The following PSD3 variants were observed in gnomAD, a reference collection of about 807,000 sequenced individuals.
The protein encoded by PSD3 is PH and SEC7 domain-containing protein 3.
Under a neutral mutation model 105.5 loss-of-function variants are expected in PSD3, and 49 were observed. The ratio of observed to expected loss-of-function variants is 0.46; its 90% CI spans 0.37 to 0.59. The LOEUF is 0.59. Among genes scored for constraint, PSD3 ranks in the 20% least tolerant of loss-of-function variants. The pLI is 0.00. For synonymous variants in PSD3, 557 were observed against 457.8 expected (o/e 1.22, Z -2.77); for missense variants, 1,561 against 1,263.8 (o/e 1.24, Z -3.57).
intron 9 of PSD3, among the ~76,000 whole-genome samples, chr8:18,669,680 A>C (rs1353135090): frequency 6.6e-6 from 1 of 152,218 alleles, no homozygotes; most frequent in East Asian, 1.9e-4. Context: ...AAAACTTATG[A>C]AATGTTTGTC....
Position 18,654,223 on chromosome 8 carries a change from G to A in PSD3, c.2216+1419C>T, listed in dbSNP as rs189719258. Among the ~76,000 whole-genome samples the A allele has an allele frequency of 9.2e-5, 14 of 152,158 alleles. No homozygotes were observed. The East Asian group carries it at 1.7e-3, about 19-fold the overall frequency. On this transcript the variant is annotated intron_variant, in intron 10 of 15. Coordinates refer to ENST00000327040, the MANE Select transcript of PSD3 (RefSeq NM_015310.4). ...GACCATGACTCTACAGTGAGTAGAC[G>A]CAATTCAAGTGGTGCTGATACTTCA...
intron 11 of PSD3, among the ~76,000 whole-genome samples, chr8:18,615,637 T>G (rs2130676361): frequency 6.6e-6 from 1 of 152,366 alleles, no homozygotes; most frequent in Non-Finnish European, 1.5e-5. Context: ...TATGATTTTT[T>G]TCATAATATC....
chr8:19,084,219 G>C (rs1829735151), exon 1 of PSD3: 1 of 450,638 alleles, frequency 2.2e-6, no homozygotes, highest in Non-Finnish European at 4.5e-6. Flanking sequence ...GAGAGGCAGA[G>C]TGGCAGGCGG....
intron 9 of PSD3, among the ~76,000 whole-genome samples, chr8:18,698,957 T>C (rs1366722888): frequency 2.0e-5 from 3 of 152,228 alleles, no homozygotes; most frequent in East Asian, 3.8e-4. Flanking sequence ...TCTGTATTAA[T>C]ATTAATCATC....
chr8:18,817,726 G>T (rs1812330604), intron 4 of PSD3, among the ~76,000 whole-genome samples: 2 of 152,142 alleles, frequency 1.3e-5, no homozygotes, highest in African/African-American at 4.8e-5. Flanking sequence ...ACGGAATCTA[G>T]AGACTCTGAT....
intron 9 of PSD3, among the ~76,000 whole-genome samples, chr8:18,713,179 T>C (rs1802361406): frequency 2.0e-5 from 3 of 152,144 alleles, no homozygotes; most frequent in South Asian, 4.2e-4. Context: ...GCCAGTATCA[T>C]ACTGAATGGG....
chr8:18,960,839 A>C (rs1823866998), intron 1 of PSD3, among the ~76,000 whole-genome samples: 2 of 152,156 alleles, frequency 1.3e-5, no homozygotes, highest in Admixed American at 6.6e-5. Context: ...TAATCCCAGG[A>C]CTTTAAGAGG....
intron 1 of PSD3, among the ~76,000 whole-genome samples, chr8:18,999,777 ATCTT>A (rs537953844): frequency 5.3e-4 from 80 of 151,742 alleles, no homozygotes; most frequent in South Asian, 2.1e-4. Context: ...AATTACCATT[ATCTT>A]TCTAACTCCC....
intron 1 of PSD3, among the ~76,000 whole-genome samples, chr8:18,991,046 G>A (rs1275825656): frequency 2.0e-5 from 3 of 152,098 alleles, no homozygotes; most frequent in African/African-American, 4.8e-5. Context: ...CATAACTGGG[G>A]TAGAAGAAGC....
At chr8:18,628,992 G>C (rs1806697282) in intron 11 of PSD3, among the ~76,000 whole-genome samples, 2 of 151,838 alleles carry the variant, frequency 1.3e-5, no homozygotes, top group Non-Finnish European at 2.9e-5. Flanking sequence ...CTAATTAAAA[G>C]ACAGATACTG....
intron 1 of PSD3, among the ~76,000 whole-genome samples, chr8:18,970,468 C>A (rs6995586): frequency 0.014 from 2,178 of 151,802 alleles, 70 homozygotes; most frequent in African/African-American, 0.05. Flanking sequence ...GGAAAAACTT[C>A]AGCATTTCTA....
At chr8:18,861,885 G>A (rs1049863612) in intron 4 of PSD3, among the ~76,000 whole-genome samples, 1 of 151,880 alleles carries the variant, frequency 6.6e-6, no homozygotes, top group East Asian at 1.9e-4. Context: ...AGACCTCCCC[G>A]AGAACAAGCT....
At chr8:18,595,893 T>C (rs1288591948) in intron 12 of PSD3, among the ~76,000 whole-genome samples, 1 of 151,926 alleles carries the variant, frequency 6.6e-6, no homozygotes, top group Non-Finnish European at 1.5e-5. Context: ...AAAAATGCAA[T>C]ACACCAAATA....
At chr8:18,959,953 C>A (rs1377161009) in intron 1 of PSD3, among the ~76,000 whole-genome samples, 1 of 152,172 alleles carries the variant, frequency 6.6e-6, no homozygotes, top group Non-Finnish European at 1.5e-5. Context: ...AATGTCACCT[C>A]CTTCACTAAT....
rs796950638 is a variant in PSD3, at chr8:19,062,726, C to T, written c.324+21480G>A. Among the ~76,000 whole-genome samples, 16 of 152,136 alleles carry T rather than the reference C, an allele frequency of 1.1e-4. 1 individual carries two copies. The highest frequency in any genetic ancestry group is 3.6e-4 in the African/African-American group (15 of 41,524). The stretch of plus-strand genomic sequence containing the variant: ...AGAAGTTGTGTTATCACTTAAAGTC[C>T]ACATTTTTGGGAAACGCTACATTAC... On this transcript the variant is annotated intron_variant, in intron 1 of 1. Transcript: ENST00000521475.
chr8:18,746,795 GT>G (rs1805065353), intron 9 of PSD3, among the ~76,000 whole-genome samples: 1 of 152,128 alleles, frequency 6.6e-6, no homozygotes, highest in Non-Finnish European at 1.5e-5. Flanking sequence ...ATTTGTTACT[GT>G]TTATACTTTC....
chr8:18,782,475 A>G (rs969231244), intron 8 of PSD3, among the ~76,000 whole-genome samples: 4 of 152,110 alleles, frequency 2.6e-5, no homozygotes, highest in African/African-American at 9.7e-5. Flanking sequence ...TCAGTGGATA[A>G]AGCTGTGGCT....
intron 1 of PSD3, among the ~76,000 whole-genome samples, chr8:19,037,475 A>T (rs972518213): frequency 6.6e-6 from 1 of 152,198 alleles, no homozygotes; most frequent in Non-Finnish European, 1.5e-5. Context: ...AACAGACAGG[A>T]CTAAGGGATG....
At chr8:19,018,571 A>C (rs1048557045), upstream of PSD3, among the ~76,000 whole-genome samples, 2 of 152,250 alleles carry the variant, frequency 1.3e-5, no homozygotes, top group African/African-American at 4.8e-5. Context: ...CTGAAAGCTT[A>C]AGAGATATGT....
Sources: gnomAD v4.1 joint callset for allele counts (sites outside exome capture counted in the v4.1 genomes callset) on GRCh38, gnomAD v4.1.1 for gene constraint, MANE v1.5 for transcripts, NCBI Gene and HGNC (gene_info 2026-07-23, HGNC 2026-07-21) for gene names.